ATP8A2: variants seen among roughly 807,000 people sequenced by gnomAD.
ATP8A2 encodes phospholipid-transporting ATPase IB.
Under a neutral mutation model 165.6 loss-of-function variants are expected in ATP8A2, and 100 were observed. The ratio of observed to expected loss-of-function variants is 0.60; its 90% CI spans 0.51 to 0.71. ATP8A2 has a LOEUF of 0.71. Ranked by LOEUF, ATP8A2 falls within the 30% of genes least tolerant of loss-of-function variation. The pLI, the probability that ATP8A2 is intolerant of heterozygous loss-of-function variation, is 0.00. For missense variants in ATP8A2, 1,227 were observed against 1,479.5 expected, an observed-to-expected ratio of 0.83 and a Z score of 2.80; for synonymous variants, 543 against 548.8, an observed-to-expected ratio of 0.99 and a Z score of 0.15.
intron 1 of ATP8A2, among the ~76,000 whole-genome samples, chr13:25,467,354 C>A (rs988870032): frequency 1.3e-5 from 2 of 152,224 alleles, no homozygotes; most frequent in Non-Finnish European, 2.9e-5. Context: ...TTAACTCTTA[C>A]TTAATATTCG....
intron 33 of ATP8A2, 125 bp from the exon 34 acceptor site, chr13:25,961,450 A>G (rs1955658157): frequency 1.3e-6 from 1 of 741,242 alleles, no homozygotes; most frequent in Non-Finnish European, 2.3e-6. Context: ...TGCATGGGTT[A>G]CCTCTCATTG....
chr13:25,724,270 A>G (rs893487644), intron 25 of ATP8A2, among the ~76,000 whole-genome samples: 9 of 152,212 alleles, frequency 5.9e-5, no homozygotes, highest in African/African-American at 9.6e-5. Flanking sequence ...CCAGAAGGTA[A>G]TTGGGCATAA....
chr13:25,572,827 A>G (rs1417736542), intron 18 of ATP8A2, among the ~76,000 whole-genome samples: 1 of 152,172 alleles, frequency 6.6e-6, no homozygotes. Flanking sequence ...ATGCATTTGA[A>G]ATTCACTTCC....
rs148484266 is a variant in ATP8A2, at chr13:25,713,273, G to A, written c.2384+13928G>A. 7.9e-4 allele frequency among the ~76,000 whole-genome samples: 121 copies of A among 152,224 alleles called. No homozygotes were observed. The East Asian group carries it at 0.014, about 17-fold the overall frequency. ...ACAACTCTGTGTAACAAATGTCATC[G>A]TTCCCACTACGTCTGTTTTTTTCTG... On this transcript the variant is annotated intron_variant, in intron 25 of 36. Coordinates refer to ENST00000381655, the MANE Select transcript of ATP8A2 (RefSeq NM_016529.6).
intron 36 of ATP8A2, among the ~76,000 whole-genome samples, chr13:26,017,627 G>C (rs1957007969): frequency 6.6e-6 from 1 of 152,222 alleles, no homozygotes; most frequent in South Asian, 2.1e-4. Context: ...AAATCCAAAA[G>C]CTCTTAGGAG....
intron 28 of ATP8A2, among the ~76,000 whole-genome samples, chr13:25,831,276 G>A (rs1452432407): frequency 6.8e-6 from 1 of 147,166 alleles, no homozygotes; most frequent in Non-Finnish European, 1.5e-5. Context: ...GTGCAGTGGT[G>A]CAATCTCAGC....
intron 27 of ATP8A2, among the ~76,000 whole-genome samples, chr13:25,779,495 TAA>T (rs1445766321): frequency 6.6e-6 from 1 of 151,948 alleles, no homozygotes; most frequent in Non-Finnish European, 1.5e-5. Flanking sequence ...TAGAGCAGGG[TAA>T]AGATATGTGA....
At chr13:25,638,797 A>G (rs1418298654) in intron 24 of ATP8A2, among the ~76,000 whole-genome samples, 4 of 152,190 alleles carry the variant, frequency 2.6e-5, no homozygotes, top group Admixed American at 6.5e-5. Flanking sequence ...CCCAAGACAC[A>G]TAATTGTCAG....
intron 35 of ATP8A2, among the ~76,000 whole-genome samples, chr13:25,993,432 T>C (rs1163239278): frequency 1.3e-5 from 2 of 152,230 alleles, no homozygotes; most frequent in African/African-American, 4.8e-5. Flanking sequence ...ATAAAGGGTA[T>C]TCAATTAGGA....
intron 35 of ATP8A2, among the ~76,000 whole-genome samples, chr13:25,974,058 T>G (rs1955971620): frequency 1.3e-5 from 2 of 152,218 alleles, no homozygotes; most frequent in Admixed American, 6.5e-5. Context: ...AGCTGCATTT[T>G]TTTTCCTCAG....
chr13:25,689,026 C>T (rs939454488), intron 24 of ATP8A2, among the ~76,000 whole-genome samples: 1 of 152,174 alleles, frequency 6.6e-6, no homozygotes, highest in Non-Finnish European at 1.5e-5. Flanking sequence ...ACAGCCTGGG[C>T]ACATTATAAT....
chr13:25,941,955 A>T (rs1955083223), intron 33 of ATP8A2, among the ~76,000 whole-genome samples: 1 of 152,182 alleles, frequency 6.6e-6, no homozygotes. Flanking sequence ...TCGTTACTTT[A>T]CTGTTGACTG....
At chr13:25,396,924 G>A (rs2033445860) in intron 1 of ATP8A2, among the ~76,000 whole-genome samples, 1 of 152,202 alleles carries the variant, frequency 6.6e-6, no homozygotes, top group African/African-American at 2.4e-5. Flanking sequence ...CTCACAGATA[G>A]GCAGCAAGAG....
chr13:25,829,181 A>G lies in ATP8A2; in HGVS notation c.2754+989A>G, dbSNP rs78734468. ...GTGTAGCTTGCAGGTTAAGAGGGTC[A>G]AATGTGTGGATTCAGACACCTCCAA... is the stretch of plus-strand genomic sequence containing the variant. On this transcript the variant is annotated intron_variant, in intron 28 of 36. Coordinates refer to ENST00000381655, the MANE Select transcript of ATP8A2 (RefSeq NM_016529.6). 3.8e-3 allele frequency among the ~76,000 whole-genome samples: 578 copies of G among 152,294 alleles called. 2 individuals carry two copies. The highest frequency in any genetic ancestry group is 0.013 in the African/African-American group (549 of 41,566).
intron 6 of ATP8A2, among the ~76,000 whole-genome samples, chr13:25,537,551 T>G (rs1422374544): frequency 1.3e-5 from 2 of 152,206 alleles, no homozygotes; most frequent in Non-Finnish European, 2.9e-5. Flanking sequence ...ACACAGAGTT[T>G]ATATAACTTG....
intron 12 of ATP8A2, among the ~76,000 whole-genome samples, chr13:25,554,759 C>T (rs936199872): frequency 2.0e-5 from 3 of 152,058 alleles, no homozygotes; most frequent in African/African-American, 7.2e-5. Flanking sequence ...AGGGTTTCAC[C>T]ATGTTGGCCA....
chr13:25,377,937 A>C (rs945036625), intron 1 of ATP8A2, among the ~76,000 whole-genome samples: 1 of 152,118 alleles, frequency 6.6e-6, no homozygotes, highest in Non-Finnish European at 1.5e-5. Context: ...TGTACAACAT[A>C]GTGAGACCCC....
At chr13:25,815,287 T>G (rs1161033487) in intron 27 of ATP8A2, among the ~76,000 whole-genome samples, 2 of 152,178 alleles carry the variant, frequency 1.3e-5, no homozygotes, top group Non-Finnish European at 2.9e-5. Context: ...AGAAAATATT[T>G]GCAAATCATA....
rs187367285 is a variant in ATP8A2 at position 25,692,251 on chromosome 13, A to G, written c.2212-6922A>G. On this transcript the variant is annotated intron_variant, in intron 24 of 36. Transcript: ENST00000381655. ...GCAGGAGAAGGGAGTCTGCTCTGGA[A>G]CTCGAAGGCTAAGCATGGTGTGGTT... Among the ~76,000 whole-genome samples the G allele has an allele frequency of 2.0e-5, 3 of 152,224 alleles. No homozygotes were observed. The East Asian group carries it at 5.8e-4, about 29-fold the overall frequency.
Sources: gnomAD v4.1 joint callset for allele counts (sites outside exome capture counted in the v4.1 genomes callset) on GRCh38, gnomAD v4.1.1 for gene constraint, MANE v1.5 for transcripts, NCBI Gene and HGNC (gene_info 2026-07-23, HGNC 2026-07-21) for gene names.